Variants in MYO16 observed in about 807,000 individuals in gnomAD.
MYO16 encodes the protein myosin XVI.
In MYO16, 94 loss-of-function variants were observed where a neutral mutation model predicts 205.3. That is an observed-to-expected ratio of 0.46 (90% CI 0.39 to 0.54). The LOEUF (loss-of-function observed/expected upper bound fraction) is 0.54, where lower values mean the gene tolerates loss of function less well. Ranked by LOEUF, MYO16 falls within the 20% of genes least tolerant of loss-of-function variation. MYO16 has a pLI of 0.00. For missense variants in MYO16, 2,315 were observed against 2,387.5 expected, an observed-to-expected ratio of 0.97 and a Z score of 0.63; for synonymous variants, 988 against 954.0, an observed-to-expected ratio of 1.04 and a Z score of -0.66.
At chr13:108,538,658 C>T in the MYO16 span, among the ~76,000 whole-genome samples, 1 of 152,040 alleles carries the variant, frequency 6.6e-6, no homozygotes, top group African/African-American at 2.4e-5. Flanking sequence ...AGATTGATCC[C>T]TACTGATACA....
At chr13:109,022,405 GTA>G (rs140061981) in intron 23 of MYO16, among the ~76,000 whole-genome samples, 1 of 112,130 alleles carries the variant, frequency 8.9e-6, no homozygotes, top group Non-Finnish European at 1.7e-5. Context: ...ATGTATATAT[GTA>G]TATATTGTAT....
At chr13:108,532,962 G>A in the MYO16 span, among the ~76,000 whole-genome samples, 1 of 152,046 alleles carries the variant, frequency 6.6e-6, no homozygotes, top group African/African-American at 2.4e-5. Context: ...AAAGCCAGCT[G>A]GCCTCCACTG....
chr13:108,754,662 C>A lies in MYO16; in HGVS notation c.507+27079C>A, dbSNP rs572105935. Among the ~76,000 whole-genome samples the A allele has an allele frequency of 8.5e-5, 13 of 152,192 alleles. No individual in the cohort carries two copies. In the South Asian group the frequency reaches 2.5e-3, roughly 29 times the overall value. On this transcript the variant is annotated intron_variant, in intron 4 of 34. Coordinates refer to ENST00000457511, the MANE Select transcript of MYO16 (RefSeq NM_001198950.3). Reference sequence around the variant, plus strand: ...GTTGTATACTCCTTAGTATAAATCCCAAATCATCCTCTTCCTAGCTGTGTG... The same window carrying A: ...GTTGTATACTCCTTAGTATAAATCCAAAATCATCCTCTTCCTAGCTGTGTG...
the MYO16 span, among the ~76,000 whole-genome samples, chr13:108,496,302 G>A: frequency 1.3e-5 from 2 of 152,236 alleles, no homozygotes; most frequent in Admixed American, 1.3e-4. Flanking sequence ...CGTTGCTAGG[G>A]GAGATGGGGG....
intron 27 of MYO16, among the ~76,000 whole-genome samples, chr13:109,057,711 C>A (rs1488854889): frequency 6.6e-6 from 1 of 151,546 alleles, no homozygotes; most frequent in African/African-American, 2.4e-5. Context: ...GTGTAGATGG[C>A]CTTTGGTTCG....
chr13:108,547,068 C>T, the MYO16 span, among the ~76,000 whole-genome samples: 3 of 151,990 alleles, frequency 2.0e-5, no homozygotes, highest in African/African-American at 7.2e-5. Context: ...GTCAGGAGAT[C>T]GAGATCATCC....
chr13:108,681,631 T>C (rs527435948), intron 2 of MYO16, among the ~76,000 whole-genome samples: 2 of 152,120 alleles, frequency 1.3e-5, no homozygotes, highest in Admixed American at 1.3e-4. Context: ...AAGGTGAACA[T>C]GTGCTCCTTG....
chr13:108,574,505 A>G, the MYO16 span, among the ~76,000 whole-genome samples: 4,999 of 152,294 alleles, frequency 0.033, 247 homozygotes, highest in African/African-American at 0.11. Flanking sequence ...TGAAGGCAGC[A>G]CTAACTTTTA....
intron 28 of MYO16, among the ~76,000 whole-genome samples, chr13:109,113,405 C>T (rs1594096675): frequency 2.0e-5 from 3 of 152,106 alleles, no homozygotes; most frequent in Admixed American, 2.0e-4. Flanking sequence ...ATAAAAAAGT[C>T]TAATAAACCT....
intron 1 of MYO16, among the ~76,000 whole-genome samples, chr13:108,609,882 G>T (rs1205989759): frequency 6.6e-6 from 1 of 152,080 alleles, no homozygotes; most frequent in African/African-American, 2.4e-5. Flanking sequence ...AGATTGGCTA[G>T]AAGGAACACC....
At chr13:108,518,268 T>C in the MYO16 span, among the ~76,000 whole-genome samples, 1 of 152,216 alleles carries the variant, frequency 6.6e-6, no homozygotes, top group South Asian at 2.1e-4. Context: ...GTGTTGGAGA[T>C]GGTTGCATTA....
the MYO16 span, among the ~76,000 whole-genome samples, chr13:108,539,455 A>G: frequency 6.6e-6 from 1 of 152,086 alleles, no homozygotes; most frequent in African/African-American, 2.4e-5. Flanking sequence ...GATCTAAAAC[A>G]TCTATTAAAC....
intron 16 of MYO16, among the ~76,000 whole-genome samples, chr13:108,928,872 G>A (rs1882128518): frequency 6.6e-6 from 1 of 152,048 alleles, no homozygotes; most frequent in South Asian, 2.1e-4. Context: ...TTTTAAAAAT[G>A]GCCATATTCA....
intron 24 of MYO16, 94 bp from the exon 25 acceptor site, chr13:109,052,206 G>A (rs1887266860): frequency 2.8e-6 from 3 of 1,063,100 alleles, no homozygotes; most frequent in African/African-American, 3.2e-5. Flanking sequence ...CACCCAGAAT[G>A]TATCAGTGGC....
At chr13:108,581,296 G>T in the MYO16 span, among the ~76,000 whole-genome samples, 4 of 152,194 alleles carry the variant, frequency 2.6e-5, no homozygotes, top group Non-Finnish European at 5.9e-5. Flanking sequence ...ATGTGAATAT[G>T]ATTAGAGATT....
intron 27 of MYO16, among the ~76,000 whole-genome samples, chr13:109,063,407 G>A (rs1887650294): frequency 6.6e-6 from 1 of 152,190 alleles, no homozygotes; most frequent in Non-Finnish European, 1.5e-5. Context: ...AATAAAAGAA[G>A]CAGCAGGAAA....
chr13:109,163,512 C>T (rs1878493111), intron 32 of MYO16, among the ~76,000 whole-genome samples: 1 of 147,388 alleles, frequency 6.8e-6, no homozygotes, highest in Admixed American at 6.8e-5. Context: ...CCCTCCCTCC[C>T]TCCCACCTCC....
intron 2 of MYO16, among the ~76,000 whole-genome samples, chr13:108,669,491 A>G (rs1220250445): frequency 6.6e-6 from 1 of 152,168 alleles, no homozygotes; most frequent in Non-Finnish European, 1.5e-5. Context: ...ACAGACGTTA[A>G]GAGCTTTTTT....
intron 20 of MYO16, among the ~76,000 whole-genome samples, chr13:108,966,413 G>T (rs944598830): frequency 2.0e-5 from 3 of 152,080 alleles, no homozygotes; most frequent in Non-Finnish European, 4.4e-5. Flanking sequence ...ATTTTACAGA[G>T]CCTTAAATTT....
Sources: allele counts gnomAD v4.1 joint callset (sites outside exome capture counted in the v4.1 genomes callset), GRCh38; gene constraint gnomAD v4.1.1; transcripts MANE v1.5; gene names NCBI Gene and HGNC (gene_info 2026-07-23, HGNC 2026-07-21).